The following LRRC9 variants were observed in gnomAD, a reference collection of about 807,000 sequenced individuals.
LRRC9 encodes the protein leucine rich repeat containing 9, also known as leucine-rich repeat-containing protein 9.
In LRRC9, 122 loss-of-function variants were observed where a neutral mutation model predicts 63.2. The ratio of observed to expected loss-of-function variants is 1.93; its 90% CI spans 1.67 to 2.24. The LOEUF is 2.24. LRRC9 is among the 30% of genes most tolerant of loss of function. The pLI, the probability that LRRC9 is intolerant of heterozygous loss-of-function variation, is 0.00. For synonymous variants in LRRC9, 366 were observed against 213.1 expected (o/e 1.72, Z -6.25); for missense variants, 1,071 against 627.7 (o/e 1.71, Z -7.55).
intron 12 of LRRC9, among the ~76,000 whole-genome samples, chr14:59,968,535 C>T (rs771102908): frequency 2.0e-5 from 3 of 152,124 alleles, no homozygotes; most frequent in Non-Finnish European, 4.4e-5. Flanking sequence ...GATGACAAGG[C>T]ACTATGTAGG....
chr14:60,038,138 T>G (rs1384048258), intron 29 of LRRC9, among the ~76,000 whole-genome samples: 1 of 152,246 alleles, frequency 6.6e-6, no homozygotes, highest in African/African-American at 2.4e-5. Context: ...TCTGTTTTGG[T>G]ACCAGTACTA....
chr14:60,014,365 T>G (rs913287029), intron 23 of LRRC9, among the ~76,000 whole-genome samples: 2 of 152,064 alleles, frequency 1.3e-5, no homozygotes, highest in African/African-American at 4.8e-5. Context: ...CTTTCCTCTT[T>G]CCTGGCATTC....
intron 6 of LRRC9, among the ~76,000 whole-genome samples, chr14:59,937,575 G>A (rs1881170946): frequency 6.6e-6 from 1 of 152,124 alleles, no homozygotes; most frequent in African/African-American, 2.4e-5. Context: ...ATGAGTAAAG[G>A]TCTAAGGACA....
intron 23 of LRRC9, among the ~76,000 whole-genome samples, chr14:60,010,058 C>A (rs1890135839): frequency 6.6e-6 from 1 of 152,178 alleles, no homozygotes. Flanking sequence ...GTGCACGGTG[C>A]AAGCTGTGGG....
chr14:59,987,659 T>G (rs1256335831), intron 17 of LRRC9, among the ~76,000 whole-genome samples: 2 of 151,912 alleles, frequency 1.3e-5, no homozygotes, highest in Non-Finnish European at 2.9e-5. Context: ...AGACCCAGGT[T>G]CCATTTTTCT....
chr14:60,002,160 G>A, intron 20 of LRRC9, 60 bp downstream of exon 20: 2 of 624,888 alleles, frequency 3.2e-6, no homozygotes, highest in Non-Finnish European at 5.7e-6. Context: ...TTTTAAGTCA[G>A]TGTTGGTCTG....
chr14:60,050,862 CA>C (rs1893836743), intron 29 of LRRC9, among the ~76,000 whole-genome samples: 2 of 152,180 alleles, frequency 1.3e-5, no homozygotes, highest in African/African-American at 4.8e-5. Context: ...GGGTCCACCG[CA>C]GACCCTAATT....
intron 29 of LRRC9, among the ~76,000 whole-genome samples, chr14:60,037,730 G>A (rs1892572664): frequency 6.6e-6 from 1 of 152,180 alleles, no homozygotes; most frequent in Non-Finnish European, 1.5e-5. Flanking sequence ...TGTTCACTCT[G>A]ATGGTAGTTT....
chr14:59,956,121 G>A (rs1010640468), intron 8 of LRRC9, among the ~76,000 whole-genome samples: 1 of 152,004 alleles, frequency 6.6e-6, no homozygotes, highest in African/African-American at 2.4e-5. Flanking sequence ...TTCTTGATTT[G>A]GGGTGGAGAG....
intron 15 of LRRC9, among the ~76,000 whole-genome samples, chr14:59,979,865 C>T (rs1404711312): frequency 1.3e-5 from 2 of 151,018 alleles, no homozygotes; most frequent in Non-Finnish European, 2.9e-5. Context: ...ATACCTAATG[C>T]TAAATGACGA....
intron 8 of LRRC9, among the ~76,000 whole-genome samples, chr14:59,957,587 T>A (rs764813980): frequency 6.6e-6 from 1 of 152,170 alleles, no homozygotes; most frequent in Non-Finnish European, 1.5e-5. Context: ...CTCCTTTAGC[T>A]CTGAGGAGTT....
chr14:59,965,604 G>C (rs1412676050), intron 10 of LRRC9, among the ~76,000 whole-genome samples: 3 of 151,946 alleles, frequency 2.0e-5, no homozygotes, highest in African/African-American at 7.3e-5. Context: ...TAGATACTGG[G>C]GCCGGGCGCG....
chr14:59,960,250 C>T (rs1884215058), intron 9 of LRRC9, among the ~76,000 whole-genome samples: 1 of 152,176 alleles, frequency 6.6e-6, no homozygotes, highest in African/African-American at 2.4e-5. Flanking sequence ...AGCTTCCCCC[C>T]AGTGGATTCC....
chr14:59,965,920 A>AAAAAAAAAAAAAAAATG (rs1274886982), intron 10 of LRRC9, among the ~76,000 whole-genome samples: 1 of 136,384 alleles, frequency 7.3e-6, no homozygotes, highest in Non-Finnish European at 1.6e-5. Context: ...AAAAAAAAAA[A>AAAAAAAAAAAAAAAATG]GATACTGGTG....
In LRRC9 at chr14:59,958,497, G is replaced by A. The variant is rs562338549; in HGVS notation, c.883-1321G>A. Among the ~76,000 whole-genome samples the A allele has an allele frequency of 6.6e-6, 1 of 152,298 alleles. No individual in the cohort carries two copies. The highest frequency in any genetic ancestry group is 2.4e-5 in the African/African-American group (1 of 41,574). ...CCCCAACCAAGCTCAATCGACCCAG[G>A]TCGACTTCAGACTGCTGTGCTGGCA... On this transcript the variant is annotated intron_variant, in intron 8 of 31. Coordinates refer to ENST00000445360, the Ensembl canonical transcript of LRRC9. The surrounding 1 kb of genome is among the most constrained non-coding windows in gnomAD (Gnocchi z 4.0).
intron 29 of LRRC9, among the ~76,000 whole-genome samples, chr14:60,052,829 A>C (rs1309856153): frequency 6.6e-6 from 1 of 152,184 alleles, no homozygotes; most frequent in Non-Finnish European, 1.5e-5. Flanking sequence ...TTAGTGAACA[A>C]TACTGTTACT....
chr14:59,957,705 A>G (rs1239676593), intron 8 of LRRC9, among the ~76,000 whole-genome samples: 1 of 152,100 alleles, frequency 6.6e-6, no homozygotes, highest in Non-Finnish European at 1.5e-5. Context: ...GGAGGAGAAG[A>G]GGCATTCTGG....
chr14:60,028,605 G>C (rs929618750), intron 28 of LRRC9, among the ~76,000 whole-genome samples: 5 of 152,040 alleles, frequency 3.3e-5, no homozygotes, highest in African/African-American at 1.2e-4. Context: ...GTTACTTTTA[G>C]GTCACTGCCC....
At chr14:60,023,952 A>G (rs560468880) in intron 27 of LRRC9, among the ~76,000 whole-genome samples, 1 of 151,942 alleles carries the variant, frequency 6.6e-6, no homozygotes, top group South Asian at 2.1e-4. Flanking sequence ...CAGCTCATCC[A>G]TGTCGCCACA....
Sources: allele counts gnomAD v4.1 joint callset (sites outside exome capture counted in the v4.1 genomes callset), GRCh38; gene constraint gnomAD v4.1.1; non-coding constraint Gnocchi (gnomAD v3.1); transcripts MANE v1.5; gene names NCBI Gene and HGNC (gene_info 2026-07-23, HGNC 2026-07-21).